The following ZFP92 variants were observed in gnomAD, a reference collection of about 807,000 sequenced individuals.
ZFP92 encodes ZFP92 zinc finger protein.
ZFP92 carries 2 observed loss-of-function variants against 7.6 expected under a neutral mutation model. The ratio of observed to expected loss-of-function variants is 0.26; its 90% confidence interval spans 0.11 to 0.83. The LOEUF (loss-of-function observed/expected upper bound fraction) is 0.83, where lower values mean the gene tolerates loss of function less well. ZFP92 is among the 40% of genes least tolerant of loss of function. The pLI is 0.65. For missense variants in ZFP92, 324 were observed against 408.3 expected, an observed-to-expected ratio of 0.79 and a Z score of 1.78; for synonymous variants, 226 against 183.6, an observed-to-expected ratio of 1.23 and a Z score of -1.87.
intron 5 of ZFP92, 66 bp downstream of exon 5, chrX:153,420,398 G>T: frequency 1.0e-6 from 1 of 1,004,954 alleles, no homozygotes; most frequent in Non-Finnish European, 1.3e-6. Flanking sequence ...CAAAGGGGGC[G>T]GGGGAGGGTA....
At chrX:153,417,802 G>T (rs2088965276) in intron 2 of ZFP92, among the ~76,000 whole-genome samples, 1 of 111,802 alleles carries the variant, frequency 8.9e-6, no homozygotes, top group South Asian at 3.8e-4. Context: ...ACCTCATTTG[G>T]AAAGGGAGAC....
rs1182809889 is a variant in ZFP92 at position 153,422,618 on chromosome X, T to A, written c.*990T>A. On this transcript the variant is annotated 3_prime_UTR_variant, in exon 6 of 6. Transcript: ENST00000338647. ...CTTCGCACTTACCTGCTCCTCCCCATCAGGCAGCCTCTCTTGCGGCTGGTG... is the reference window on the plus strand; with the variant it reads ...CTTCGCACTTACCTGCTCCTCCCCAACAGGCAGCCTCTCTTGCGGCTGGTG... The A allele has an allele frequency of 9.6e-6, 1 of 103,787 alleles. No homozygotes were observed. Among genetic ancestry groups the A allele is most frequent in the Non-Finnish European group, 2.0e-5 (1 of 51,005 alleles). The allele number at this position is 103,787 out of a possible 1,213,427, so 8.6% of individuals were successfully genotyped here.
At position 153,421,329 on chromosome X, in the gene ZFP92, C is replaced by A; in HGVS notation, c.952C>A (p.Arg318=). 8.6e-7 allele frequency: 1 copy of A among 1,166,005 alleles called. No individual in the cohort carries two copies. Residue 318 remains arginine (R), a synonymous_variant, in exon 6 of 6, where the codon CGG becomes AGG. Transcript: ENST00000338647. The part of the protein sequence containing the change: ...IHHQRSHSGE[R]PFACRECGKA... ...CCACCAGCGCAGCCACAGCGGCGAGCGGCCCTTCGCGTGCCGCGAGTGCGG... is the reference window on the plus strand; with the variant it reads ...CCACCAGCGCAGCCACAGCGGCGAGAGGCCCTTCGCGTGCCGCGAGTGCGG...
Position 153,418,448 on chromosome X carries a change from G to C in ZFP92, c.33+93G>C, listed in dbSNP as rs1397324028. The C allele has an allele frequency of 2.0e-5, 22 of 1,080,957 alleles. No individual in the cohort carries two copies. In the African/African-American group the frequency reaches 3.9e-4, roughly 19 times the overall value. 89.1% of individuals were successfully genotyped at this position (1,080,957 alleles called of 1,213,427 possible). Reference sequence around the variant, plus strand: ...GGCCTCTCCAGCTGGGCTGAGCTTAGGCTGCCCTTAGCATCGTTTTCCTTT... The same window carrying C: ...GGCCTCTCCAGCTGGGCTGAGCTTACGCTGCCCTTAGCATCGTTTTCCTTT... On this transcript the variant is annotated intron_variant, in intron 3 of 5. Transcript: ENST00000338647.
chrX:153,417,753 G>C (rs2088964933), intron 2 of ZFP92, among the ~76,000 whole-genome samples: 1 of 112,134 alleles, frequency 8.9e-6, no homozygotes, highest in South Asian at 3.7e-4. Flanking sequence ...CCCCCAAAAA[G>C]ACATATTGAA....
Position 153,424,201 on chromosome X carries a change from A to G in ZFP92, c.*2573A>G, listed in dbSNP as rs1806306622. ...GCAGAAAGTGGAGTTGCCAGGAGAGATGCTGGGCACTTGCACTGTGACTTT... is the reference window on the plus strand; with the variant it reads ...GCAGAAAGTGGAGTTGCCAGGAGAGGTGCTGGGCACTTGCACTGTGACTTT... On this transcript the variant is annotated 3_prime_UTR_variant, in exon 6 of 6. Coordinates refer to ENST00000338647, the MANE Select transcript of ZFP92 (RefSeq NM_001136273.2). 1 of 111,782 alleles carries G rather than the reference A, an allele frequency of 8.9e-6. No homozygotes were observed. Among genetic ancestry groups the G allele is most frequent in the Non-Finnish European group, 1.9e-5 (1 of 53,169 alleles). 9.2% of individuals were successfully genotyped at this position (111,782 alleles called of 1,213,427 possible).
At chrX:153,416,700 C>T (rs2088954524) in intron 2 of ZFP92, among the ~76,000 whole-genome samples, 2 of 111,841 alleles carry the variant, frequency 1.8e-5, no homozygotes, top group Non-Finnish European at 3.8e-5. Context: ...TCTTTTACCC[C>T]CCTGTCCTAG....
Position 153,423,393 on chromosome X carries a change from TACACACACACACAC to T in ZFP92, c.*1792_*1805del, listed in dbSNP as rs3987736. On this transcript the variant is annotated 3_prime_UTR_variant, in exon 6 of 6. Coordinates refer to ENST00000338647, the MANE Select transcript of ZFP92 (RefSeq NM_001136273.2). ...TAGGACAACTCCAGAAATAATGTTA[TACACACACACACAC>T]ACACACACACACACACACACACACA... The T allele has an allele frequency of 7.2e-4, 68 of 93,984 alleles. No homozygotes were observed. Among genetic ancestry groups the T allele is most frequent in the African/African-American group, 2.2e-3 (56 of 25,414 alleles). 7.7% of individuals were successfully genotyped at this position (93,984 alleles called of 1,213,427 possible).
At chrX:153,419,456 C>T (rs1431988138) in intron 4 of ZFP92, among the ~76,000 whole-genome samples, 1 of 112,710 alleles carries the variant, frequency 8.9e-6, no homozygotes, top group Non-Finnish European at 1.9e-5. Context: ...TAAAGAACGT[C>T]TGAGGGTGCC....
At chrX:153,413,420 C>G (rs972012932) in intron 2 of ZFP92, among the ~76,000 whole-genome samples, 3 of 107,604 alleles carry the variant, frequency 2.8e-5, no homozygotes, top group Non-Finnish European at 5.8e-5. Context: ...CTCAGTTCCA[C>G]CCATAGGCTA....
At chrX:153,419,260 G>C (rs1190752190) in intron 4 of ZFP92, among the ~76,000 whole-genome samples, 1 of 112,470 alleles carries the variant, frequency 8.9e-6, no homozygotes, top group Non-Finnish European at 1.9e-5. Context: ...GTGTAGACTT[G>C]GATTTCAAGC....
At chrX:153,411,931 G>A (rs951960898) in intron 1 of ZFP92, among the ~76,000 whole-genome samples, 34 bp from the exon 2 acceptor site, 9 of 112,736 alleles carry the variant, frequency 8.0e-5, no homozygotes, top group Non-Finnish European at 1.3e-4. Context: ...GCTGCGGCCC[G>A]TGTCTGTCAA....
intron 4 of ZFP92, among the ~76,000 whole-genome samples, chrX:153,420,011 G>A (rs1318632991): frequency 8.9e-6 from 1 of 112,197 alleles, no homozygotes; most frequent in African/African-American, 3.2e-5. Flanking sequence ...GGCCCAAATC[G>A]CCAGCTACTG....
chrX:153,417,034 A>G (rs2088957867), intron 2 of ZFP92, among the ~76,000 whole-genome samples: 2 of 111,592 alleles, frequency 1.8e-5, no homozygotes, highest in South Asian at 7.6e-4. Context: ...CCCACGACCC[A>G]AACAACTCCC....
At chrX:153,416,989 A>T (rs781889922) in intron 2 of ZFP92, among the ~76,000 whole-genome samples, 133 of 111,523 alleles carry the variant, frequency 1.2e-3, no homozygotes, top group Non-Finnish European at 2.1e-3. Flanking sequence ...CTCACCCCTG[A>T]GGGAGGGCAT....
rs2088992437 is a variant in ZFP92, at chrX:153,420,778, T to C, written c.401T>C (p.Leu134Ser). ...GTGCTCCAGAGAGGTGCCCAGGGCT[T>C]GGGGCAGAGTTCGGCTGCGGGGCCG... ...SSVLQRGAQG[L>S]GQSSAAGPQG... The change falls in exon 6 of 6, where the codon TTG (leucine) becomes TCG (serine). Residue 134 changes from leucine (L) to serine (S), a missense_variant. By Grantham distance (145) the Leu-to-Ser change is moderately radical. Coordinates refer to ENST00000338647, the MANE Select transcript of ZFP92 (RefSeq NM_001136273.2). 2 of 1,167,097 alleles carry C rather than the reference T, an allele frequency of 1.7e-6. No individual in the cohort carries two copies. Among genetic ancestry groups the C allele is most frequent in the African/African-American group, 1.8e-5 (1 of 56,153 alleles).
chrX:153,416,791 T>C (rs782423550), intron 2 of ZFP92, among the ~76,000 whole-genome samples: 3 of 111,801 alleles, frequency 2.7e-5, no homozygotes, highest in Non-Finnish European at 3.8e-5. Flanking sequence ...AGGATTTTGC[T>C]GGCTGGAAAG....
intron 2 of ZFP92, among the ~76,000 whole-genome samples, 173 bp downstream of exon 2, chrX:153,412,186 G>A (rs1325664503): frequency 8.9e-6 from 1 of 112,654 alleles, no homozygotes; most frequent in Non-Finnish European, 1.9e-5. Flanking sequence ...GGTGGTGCGG[G>A]ATGTTGACCA....
At chrX:153,413,978 CAG>C (rs1367558572) in intron 2 of ZFP92, among the ~76,000 whole-genome samples, 1 of 112,481 alleles carries the variant, frequency 8.9e-6, no homozygotes, top group Non-Finnish European at 1.9e-5. Context: ...GGTGTTCACT[CAG>C]GGGGTCACCA....
Sources: gnomAD v4.1 joint callset for allele counts (sites outside exome capture counted in the v4.1 genomes callset) on GRCh38, gnomAD v4.1.1 for gene constraint, MANE v1.5 for transcripts, NCBI Gene and HGNC (gene_info 2026-07-23, HGNC 2026-07-21) for gene names.